GSTA2: variants seen among roughly 807,000 people sequenced by gnomAD.
The protein encoded by GSTA2 is glutathione S-transferase alpha 2.
Under a neutral mutation model 22.4 loss-of-function variants are expected in GSTA2, and 27 were observed. The observed-to-expected ratio is 1.21, with a 90% CI of 0.89 to 1.67. The LOEUF (loss-of-function observed/expected upper bound fraction) is 1.67, where lower values mean the gene tolerates loss of function less well. Ranked by LOEUF, GSTA2 falls within the 40% of genes most tolerant of loss-of-function variation. The pLI, the probability that GSTA2 is intolerant of heterozygous loss-of-function variation, is 0.00. For missense variants in GSTA2, 302 were observed against 260.2 expected (o/e 1.16, Z -1.11); for synonymous variants, 121 against 86.8 (o/e 1.39, Z -2.19).
intron 1 of GSTA2, among the ~76,000 whole-genome samples, chr6:52,762,746 A>T (rs1241886160): frequency 1.3e-5 from 2 of 152,100 alleles, no homozygotes; most frequent in Non-Finnish European, 2.9e-5. Context: ...TCAGTCTCTC[A>T]TCCCACCCAA....
intron 2 of GSTA2, among the ~76,000 whole-genome samples, chr6:52,757,556 A>G (rs1378287534): frequency 5.3e-5 from 8 of 152,152 alleles, no homozygotes; most frequent in Non-Finnish European, 8.8e-5. Flanking sequence ...TATTCAATCG[A>G]TATTTGTGTT....
rs542724592 is a variant in GSTA2, at chr6:52,751,495, A to G, written c.546+82T>C. The G allele has an allele frequency of 1.1e-5, 17 of 1,607,004 alleles. No individual in the cohort carries two copies. In the East Asian group the frequency reaches 3.1e-4, roughly 30 times the overall value. On this transcript the variant is annotated intron_variant, in intron 6 of 6. Coordinates refer to ENST00000493422, the MANE Select transcript of GSTA2 (RefSeq NM_000846.5). ...GCCTGGAGAAGGCTGGGGTCAAAAC[A>G]TGCTCAGTCCCAGGGCCCAGATACA...
At chr6:52,752,803 T>C (rs780205236) in intron 5 of GSTA2, 51 bp downstream of exon 5, 1 of 1,609,180 alleles carries the variant, frequency 6.2e-7, no homozygotes, top group South Asian at 1.1e-5. Flanking sequence ...CCACTATTTT[T>C]CTACTGGCTT....
chr6:52,751,756 G>T, intron 5 of GSTA2, 48 bp from the exon 6 acceptor site: 3 of 1,613,590 alleles, frequency 1.9e-6, no homozygotes, highest in Non-Finnish European at 2.5e-6. Flanking sequence ...CACCCAGGCT[G>T]GGACCCCTGC....
intron 6 of GSTA2, 72 bp from the exon 7 acceptor site, chr6:52,750,771 G>A: frequency 1.3e-6 from 2 of 1,566,094 alleles, no homozygotes; most frequent in Admixed American, 1.8e-5. Flanking sequence ...CATGACCCAG[G>A]GAATCTGAGT....
At chr6:52,759,394 C>T (rs1326805940) in intron 1 of GSTA2, among the ~76,000 whole-genome samples, 1 of 152,024 alleles carries the variant, frequency 6.6e-6, no homozygotes, top group East Asian at 1.9e-4. Context: ...TGGAAAGACA[C>T]AGGACTCATT....
intron 1 of GSTA2, among the ~76,000 whole-genome samples, chr6:52,762,127 A>AGGC (rs963983173): frequency 4.6e-4 from 69 of 148,728 alleles, no homozygotes; most frequent in African/African-American, 1.7e-3. Flanking sequence ...ACACTGCGGA[A>AGGC]GGCCGCAGGG....
intron 6 of GSTA2, 120 bp from the exon 7 acceptor site, chr6:52,750,819 G>A: frequency 8.1e-7 from 1 of 1,236,662 alleles, no homozygotes; most frequent in Non-Finnish European, 1.1e-6. Context: ...CTTCCACTTG[G>A]GTGAAGGCAG....
At chr6:52,763,133 C>T (rs748597032) in intron 1 of GSTA2, among the ~76,000 whole-genome samples, 2 of 152,158 alleles carry the variant, frequency 1.3e-5, no homozygotes, top group Non-Finnish European at 2.9e-5. Flanking sequence ...GCCACTTCTT[C>T]CAGCACTGAT....
intron 1 of GSTA2, among the ~76,000 whole-genome samples, chr6:52,759,600 T>C (rs1282012318): frequency 1.2e-5 from 1 of 80,122 alleles, no homozygotes; most frequent in Admixed American, 1.9e-4. Context: ...TTTTTTTTTT[T>C]TGAGACAGAG....
chr6:52,755,709 G>T (rs1762829828), intron 3 of GSTA2, among the ~76,000 whole-genome samples: 1 of 151,854 alleles, frequency 6.6e-6, no homozygotes, highest in African/African-American at 2.4e-5. Flanking sequence ...CTGGCAACAA[G>T]ATGTCATTTA....
At chr6:52,761,466 T>C (rs1762948495) in intron 1 of GSTA2, among the ~76,000 whole-genome samples, 1 of 151,096 alleles carries the variant, frequency 6.6e-6, no homozygotes, top group African/African-American at 2.4e-5. Context: ...CTCTATATTT[T>C]GTCCGTAGAA....
intron 2 of GSTA2, among the ~76,000 whole-genome samples, chr6:52,757,255 T>C (rs554561141): frequency 2.2e-4 from 25 of 111,924 alleles, no homozygotes; most frequent in African/African-American, 7.3e-4. Context: ...TATGCATTTT[T>C]ATTTTTTTAT....
intron 1 of GSTA2, among the ~76,000 whole-genome samples, chr6:52,759,577 T>G (rs1161923762): frequency 2.5e-5 from 3 of 117,684 alleles, no homozygotes; most frequent in East Asian, 4.7e-4. Context: ...TTTTTTTTTT[T>G]TTTTTTTTTT....
intron 3 of GSTA2, 59 bp from the exon 4 acceptor site, chr6:52,755,134 T>C: frequency 1.3e-6 from 2 of 1,580,982 alleles, no homozygotes; most frequent in South Asian, 1.2e-5. Context: ...CATTTCAGGA[T>C]GAAAAAAAAT....
At chr6:52,760,508 G>A (rs1037786324) in intron 1 of GSTA2, among the ~76,000 whole-genome samples, 1 of 152,002 alleles carries the variant, frequency 6.6e-6, no homozygotes, top group African/African-American at 2.4e-5. Context: ...AACAACCCTG[G>A]GAAATGGCTC....
intron 1 of GSTA2, among the ~76,000 whole-genome samples, chr6:52,762,455 C>T (rs1379074784): frequency 6.6e-6 from 1 of 152,168 alleles, no homozygotes; most frequent in Non-Finnish European, 1.5e-5. Flanking sequence ...CTTTAATGCA[C>T]CAGATATGTT....
chr6:52,752,365 C>G (rs1477456853), intron 5 of GSTA2, among the ~76,000 whole-genome samples: 1 of 152,200 alleles, frequency 6.6e-6, no homozygotes, highest in African/African-American at 2.4e-5. Context: ...TTTACAGAAT[C>G]TTCCTCTGCA....
At chr6:52,761,450 C>T (rs1225371995) in intron 1 of GSTA2, among the ~76,000 whole-genome samples, 1 of 151,536 alleles carries the variant, frequency 6.6e-6, no homozygotes, top group East Asian at 1.9e-4. Flanking sequence ...ATCCATTTCT[C>T]TGGTTCTCTA....
Sources: gnomAD v4.1 joint callset for allele counts (sites outside exome capture counted in the v4.1 genomes callset) on GRCh38, gnomAD v4.1.1 for gene constraint, MANE v1.5 for transcripts, NCBI Gene and HGNC (gene_info 2026-07-23, HGNC 2026-07-21) for gene names.